The following RPS6KA2 variants were observed in gnomAD, a reference collection of about 807,000 sequenced individuals.
RPS6KA2 encodes ribosomal protein S6 kinase alpha-2.
A neutral mutation model predicts 91.8 loss-of-function variants in RPS6KA2; 42 were observed. That is an observed-to-expected ratio of 0.46 (90% CI 0.36 to 0.59). The LOEUF (loss-of-function observed/expected upper bound fraction) is 0.59, where lower values mean the gene tolerates loss of function less well. Ranked by LOEUF, RPS6KA2 falls within the 20% of genes least tolerant of loss-of-function variation. The pLI, the probability that RPS6KA2 is intolerant of heterozygous loss-of-function variation, is 0.00. For missense variants in RPS6KA2, 798 were observed against 978.5 expected (o/e 0.82, Z 2.46); for synonymous variants, 414 against 393.6 (o/e 1.05, Z -0.61).
rs1583326131 is a variant in RPS6KA2, at chr6:166,612,553, C to A, written c.99+14368G>T. Among the ~76,000 whole-genome samples the A allele has an allele frequency of 6.6e-6, 1 of 152,280 alleles. No homozygotes were observed. Among genetic ancestry groups the A allele is most frequent in the East Asian group, 1.9e-4 (1 of 5,178 alleles). ...GGGCGAGGAAAGGAGAAATGATGAG[C>A]TCTGAGCTGGGGCCTTGCTGCCCGA... On this transcript the variant is annotated intron_variant, in intron 1 of 20. Transcript: ENST00000265678. The surrounding 1 kb of genome is among the most constrained non-coding windows in gnomAD (Gnocchi z 4.3).
rs151020249 is a variant in RPS6KA2, at chr6:166,798,725, C to A, written c.123+59475G>T. 1.6e-3 allele frequency among the ~76,000 whole-genome samples: 246 copies of A among 152,316 alleles called. 1 individual carries two copies. The highest frequency in any genetic ancestry group is 5.4e-3 in the African/African-American group (226 of 41,570). Reference sequence around the variant, plus strand: ...TTCCCAAAAGTGATCTGTCTAGGAACTTCTCTGGCCAATCCCTTTCCCAGA... The same window carrying A: ...TTCCCAAAAGTGATCTGTCTAGGAAATTCTCTGGCCAATCCCTTTCCCAGA... On this transcript the variant is annotated intron_variant, in intron 2 of 21. Transcript: ENST00000503859.
chr6:166,651,864 C>T (rs1314644495), intron 2 of RPS6KA2, among the ~76,000 whole-genome samples: 1 of 152,250 alleles, frequency 6.6e-6, no homozygotes, highest in Admixed American at 6.5e-5. Context: ...TAAGCTATTG[C>T]TCTTGTATGA....
intron 10 of RPS6KA2, among the ~76,000 whole-genome samples, chr6:166,485,677 T>A (rs1781383270): frequency 1.3e-5 from 2 of 152,102 alleles, no homozygotes; most frequent in African/African-American, 4.8e-5. Flanking sequence ...CCCTCAGAGT[T>A]AAGAAACACC....
chr6:166,790,474 C>A (rs1407599783), intron 2 of RPS6KA2, among the ~76,000 whole-genome samples: 1 of 152,114 alleles, frequency 6.6e-6, no homozygotes, highest in African/African-American at 2.4e-5. Flanking sequence ...CCCAATCTAG[C>A]AAGGCAGGCC....
At chr6:166,813,416 T>C (rs1038536319) in intron 2 of RPS6KA2, among the ~76,000 whole-genome samples, 1 of 152,238 alleles carries the variant, frequency 6.6e-6, no homozygotes, top group Non-Finnish European at 1.5e-5. Context: ...AAGGAATTCA[T>C]TCTACATTTT....
chr6:166,673,485 C>A (rs1003220814), intron 2 of RPS6KA2, among the ~76,000 whole-genome samples: 1 of 152,128 alleles, frequency 6.6e-6, no homozygotes, highest in Non-Finnish European at 1.5e-5. Context: ...GGTGCCCTGT[C>A]GACAACTCTG....
At chr6:166,597,056 C>T (rs180815158) in intron 1 of RPS6KA2, among the ~76,000 whole-genome samples, 2 of 152,138 alleles carry the variant, frequency 1.3e-5, no homozygotes, top group Non-Finnish European at 2.9e-5. Context: ...AGAAAGGACA[C>T]GGGGAGGGGC....
intron 14 of RPS6KA2, among the ~76,000 whole-genome samples, chr6:166,446,705 C>G (rs1348687926): frequency 6.6e-6 from 1 of 152,200 alleles, no homozygotes; most frequent in Non-Finnish European, 1.5e-5. Flanking sequence ...GGGGGATTTA[C>G]TTGCAGAGGC....
At chr6:166,692,153 TC>T (rs1171976573) in intron 2 of RPS6KA2, among the ~76,000 whole-genome samples, 2 of 151,820 alleles carry the variant, frequency 1.3e-5, no homozygotes, top group Non-Finnish European at 2.9e-5. Context: ...CCCACAAGTG[TC>T]CCCTGTCAAG....
chr6:166,852,013 G>A lies in RPS6KA2; in HGVS notation c.123+6187C>T, dbSNP rs911065080. ...GCCTCAATAAATGCTAATGTTCCAT[G>A]AAGCCAATGTTATTCTCACCCGCTC... On this transcript the variant is annotated intron_variant, in intron 2 of 21. Transcript: ENST00000503859. This position sits in a 1 kb window ranked among gnomAD's most constrained non-coding sequence, Gnocchi z 4.1. Among the ~76,000 whole-genome samples, 1 of 152,094 alleles carries A rather than the reference G, an allele frequency of 6.6e-6. No individual in the cohort carries two copies. Among genetic ancestry groups the A allele is most frequent in the African/African-American group, 2.4e-5 (1 of 41,400 alleles).
At chr6:166,801,962 T>TTA (rs1779377227) in intron 2 of RPS6KA2, among the ~76,000 whole-genome samples, 1 of 152,042 alleles carries the variant, frequency 6.6e-6, no homozygotes, top group Non-Finnish European at 1.5e-5. Flanking sequence ...AAAAAATTTT[T>TTA]AAATCCCTCC....
At position 166,500,670 on chromosome 6, in the gene RPS6KA2, A is replaced by T. The variant is rs1465671467; in HGVS notation, c.604+217T>A. On this transcript the variant is annotated intron_variant, in intron 7 of 20. Transcript: ENST00000265678. This position sits in a 1 kb window ranked among gnomAD's most constrained non-coding sequence, Gnocchi z 4.3. ...AACAGAACGTGGCAGGGGAGAGGGA[A>T]AAGAAGGGGCCACCGGGAAGCTGCA... 6.6e-6 allele frequency among the ~76,000 whole-genome samples: 1 copy of T among 152,218 alleles called. No individual in the cohort carries two copies. Among genetic ancestry groups the T allele is most frequent in the African/African-American group, 2.4e-5 (1 of 41,462 alleles).
At chr6:166,624,531 TG>T (rs927993444) in intron 1 of RPS6KA2, among the ~76,000 whole-genome samples, 1 of 152,194 alleles carries the variant, frequency 6.6e-6, no homozygotes, top group Admixed American at 6.5e-5. Context: ...CTTACTGGAC[TG>T]GGGCACAAAG....
At chr6:166,449,362 A>C (rs1202678634) in intron 13 of RPS6KA2, among the ~76,000 whole-genome samples, 1 of 147,484 alleles carries the variant, frequency 6.8e-6, no homozygotes, top group African/African-American at 2.5e-5. Context: ...CGTCTACTTT[A>C]CACACCTGTA....
chr6:166,512,963 G>A (rs1311934891), intron 3 of RPS6KA2, among the ~76,000 whole-genome samples: 6 of 151,820 alleles, frequency 4.0e-5, no homozygotes, highest in East Asian at 1.9e-4. Flanking sequence ...TGTCATCACC[G>A]TGGTCCTGTG....
Position 166,749,764 on chromosome 6 carries a change from C to T in RPS6KA2, c.123+108436G>A, listed in dbSNP as rs531320507. Among the ~76,000 whole-genome samples, 263 of 139,040 alleles carry T rather than the reference C, an allele frequency of 1.9e-3. 5 individuals are homozygous for T. Among genetic ancestry groups the T allele is most frequent in the Admixed American group, 2.8e-3 (39 of 13,904 alleles). The allele number at this position is 139,040 out of a possible 152,430, so 91.2% of individuals were successfully genotyped here. On this transcript the variant is annotated intron_variant, in intron 2 of 21. Transcript: ENST00000503859. Reference sequence around the variant, plus strand: ...CCTCTTCCTCAGGCCCCCATCTCCTCAGGCCCCCATTTCCTCAGGTCCCCA... The same window carrying T: ...CCTCTTCCTCAGGCCCCCATCTCCTTAGGCCCCCATTTCCTCAGGTCCCCA...
At position 166,542,559 on chromosome 6, in the gene RPS6KA2, T is replaced by C. The variant is rs1456303080; in HGVS notation, c.100-3775A>G. On this transcript the variant is annotated intron_variant, in intron 1 of 20. Transcript: ENST00000265678. ...ATTTTGTAACGTAAGAAAGAAAAAC[T>C]AGAGGTATAAACTGTTTAAATGATG... 3.9e-5 allele frequency: 6 copies of C among 152,300 alleles called. No individual in the cohort carries two copies. The East Asian group carries it at 9.6e-4, about 24-fold the overall frequency. The allele number at this position is 152,300 out of a possible 1,614,324, so 9.4% of individuals were successfully genotyped here.
At chr6:166,507,883 C>T (rs1782302974) in intron 5 of RPS6KA2, among the ~76,000 whole-genome samples, 1 of 140,982 alleles carries the variant, frequency 7.1e-6, no homozygotes, top group Admixed American at 6.9e-5. Context: ...ACCACGCACA[C>T]CCCCCCACAC....
At chr6:166,440,597 A>G (rs1779488725) in intron 14 of RPS6KA2, among the ~76,000 whole-genome samples, 1 of 152,228 alleles carries the variant, frequency 6.6e-6, no homozygotes, top group Admixed American at 6.5e-5. Flanking sequence ...GGATTCATCA[A>G]ATGAATCTTT....
Sources: gnomAD v4.1 joint callset for allele counts (sites outside exome capture counted in the v4.1 genomes callset) on GRCh38, gnomAD v4.1.1 for gene constraint, Gnocchi (gnomAD v3.1) non-coding constraint, MANE v1.5 for transcripts, NCBI Gene and HGNC (gene_info 2026-07-23, HGNC 2026-07-21) for gene names.